The following TMEM272 variants were observed in gnomAD, a reference collection of about 807,000 sequenced individuals.
TMEM272 encodes transmembrane protein 272, also known as long intergenic non-protein coding RNA 282.
TMEM272 carries 8 observed loss-of-function variants against 3.7 expected under a neutral mutation model. That is an observed-to-expected ratio of 2.17 (90% CI 1.27 to 3.91). TMEM272 has a LOEUF of 3.91. TMEM272 is among the 30% of genes most tolerant of loss of function. The pLI is 0.00. For missense variants in TMEM272, 166 were observed against 91.5 expected, an observed-to-expected ratio of 1.81 and a Z score of -3.32; for synonymous variants, 63 against 39.8, an observed-to-expected ratio of 1.58 and a Z score of -2.20.
the TMEM272 span, among the ~76,000 whole-genome samples, chr13:51,864,095 C>T: frequency 1.3e-5 from 2 of 150,934 alleles, no homozygotes; most frequent in African/African-American, 4.9e-5. Flanking sequence ...TCCTTCCCTC[C>T]CTTCCTTCCT....
intron 2 of TMEM272, among the ~76,000 whole-genome samples, chr13:51,829,226 A>G (rs1413702227): frequency 6.6e-6 from 1 of 152,238 alleles, no homozygotes; most frequent in African/African-American, 2.4e-5. Context: ...ACATTATGCA[A>G]TATTAAGATG....
chr13:51,817,089 T>C lies in TMEM272; in HGVS notation c.226A>G (p.Thr76Ala), dbSNP rs774265400. 73 of 702,506 alleles carry C rather than the reference T, an allele frequency of 1.0e-4. No homozygotes were observed. Among genetic ancestry groups the C allele is most frequent in the Non-Finnish European group, 1.1e-4 (44 of 384,820 alleles). 43.5% of individuals were successfully genotyped at this position (702,506 alleles called of 1,614,324 possible). A position where few individuals can be genotyped will look rare whatever the true frequency, so the allele number is the denominator to read the frequency against. Residue 76 changes from threonine to alanine, a missense_variant, in exon 5 of 5, where the codon ACC becomes GCC. By Grantham distance (58) the Thr-to-Ala change is moderately conservative. Coordinates refer to ENST00000629372, the MANE Select transcript of TMEM272 (RefSeq NM_001351003.2). ...LKVSLLLYDS[T>A]RMRRLLSKAV... ...TTGGACAGCAGCCGCCTCATCCTGG[T>C]GGAGTCGTACAACAGGAGAGACACC...
chr13:51,867,451 C>T, the TMEM272 span, among the ~76,000 whole-genome samples: 25 of 152,222 alleles, frequency 1.6e-4, no homozygotes, highest in East Asian at 4.3e-3. Context: ...CCTTAAAGTA[C>T]ACTAGGATTT....
the TMEM272 span, among the ~76,000 whole-genome samples, chr13:51,882,736 A>G: frequency 1.2e-4 from 18 of 151,572 alleles, no homozygotes; most frequent in African/African-American, 3.9e-4. Flanking sequence ...TAAAAAATAA[A>G]TATAATAAAA....
chr13:51,899,965 G>A, the TMEM272 span, among the ~76,000 whole-genome samples: 1 of 152,070 alleles, frequency 6.6e-6, no homozygotes, highest in Non-Finnish European at 1.5e-5. Flanking sequence ...GAATGAAGTT[G>A]GACTCCTATT....
Position 51,815,117 on chromosome 13 carries a change from A to G in TMEM272, c.*1634T>C, listed in dbSNP as rs570290509. 3 of 153,030 alleles carry G rather than the reference A, an allele frequency of 2.0e-5. No homozygotes were observed. Among genetic ancestry groups the G allele is most frequent in the African/African-American group, 7.2e-5 (3 of 41,564 alleles). 9.5% of individuals were successfully genotyped at this position (153,030 alleles called of 1,614,324 possible). On this transcript the variant is annotated 3_prime_UTR_variant, in exon 5 of 5. Coordinates refer to ENST00000629372, the MANE Select transcript of TMEM272 (RefSeq NM_001351003.2). ...GTATCATAGCCCACAGACTCTCCCC[A>G]GTCCCCAACACAGAGAGGGCAACGT... is the stretch of plus-strand genomic sequence containing the variant.
At chr13:51,842,347 A>G (rs9596593) in intron 1 of TMEM272, among the ~76,000 whole-genome samples, 1,950 of 152,358 alleles carry the variant, frequency 0.013, 44 homozygotes, top group African/African-American at 0.045. Context: ...TTCAAGAAGT[A>G]TTATTTGAAA....
At chr13:51,907,598 A>G in the TMEM272 span, among the ~76,000 whole-genome samples, 1 of 152,054 alleles carries the variant, frequency 6.6e-6, no homozygotes, top group South Asian at 2.1e-4. Flanking sequence ...ACCTTGCCTC[A>G]CTCATTCCTT....
chr13:51,919,009 C>T, the TMEM272 span, among the ~76,000 whole-genome samples: 1 of 151,968 alleles, frequency 6.6e-6, no homozygotes, highest in Admixed American at 6.6e-5. Flanking sequence ...CCTGGCTCTG[C>T]TCCTTTCTGA....
chr13:51,852,658 T>C, the TMEM272 span, among the ~76,000 whole-genome samples: 6 of 152,122 alleles, frequency 3.9e-5, no homozygotes, highest in Admixed American at 3.9e-4. Flanking sequence ...GGCGGGCAGA[T>C]CATGAGGTCA....
the TMEM272 span, among the ~76,000 whole-genome samples, chr13:51,926,987 C>T: frequency 6.6e-6 from 1 of 151,480 alleles, no homozygotes; most frequent in African/African-American, 2.4e-5. Flanking sequence ...GAAAACAAAG[C>T]CCCCAGCCTA....
the TMEM272 span, chr13:51,862,297 C>T: frequency 6.6e-6 from 1 of 152,174 alleles, no homozygotes; most frequent in African/African-American, 2.4e-5. Context: ...TAATATTTTC[C>T]TTAAAAAGAA....
At chr13:51,843,569 C>T (rs1164853667) in intron 1 of TMEM272, among the ~76,000 whole-genome samples, 1 of 152,194 alleles carries the variant, frequency 6.6e-6, no homozygotes, top group Non-Finnish European at 1.5e-5. Context: ...TCTATACCTT[C>T]TATATCTTCT....
the TMEM272 span, among the ~76,000 whole-genome samples, chr13:51,916,897 T>C: frequency 6.6e-6 from 1 of 152,218 alleles, no homozygotes; most frequent in South Asian, 2.1e-4. Context: ...TTCTCCGGCA[T>C]CATTCTCACT....
chr13:51,918,803 CTTTTTTTTTTTTTTTTTT>C, the TMEM272 span, among the ~76,000 whole-genome samples: 2 of 81,044 alleles, frequency 2.5e-5, no homozygotes, highest in African/African-American at 9.8e-5. Context: ...TTTTGAAATT[CTTTTTTTTTTTTTTTTTT>C]TTTTTTTGTA....
chr13:51,874,104 C>G, the TMEM272 span, among the ~76,000 whole-genome samples: 1 of 152,178 alleles, frequency 6.6e-6, no homozygotes, highest in African/African-American at 2.4e-5. Context: ...TTTAGAAGAG[C>G]AGGAACAGAG....
At chr13:51,883,311 C>T in the TMEM272 span, among the ~76,000 whole-genome samples, 8 of 152,316 alleles carry the variant, frequency 5.3e-5, no homozygotes, top group East Asian at 1.2e-3. Context: ...CAGCTTTTTT[C>T]CCACTCACCA....
chr13:51,897,942 G>T, the TMEM272 span, among the ~76,000 whole-genome samples: 1 of 22,346 alleles, frequency 4.5e-5, no homozygotes, highest in Non-Finnish European at 9.9e-5. Context: ...AAAAAAAAAA[G>T]GGCTGGGCGC....
chr13:51,864,928 G>A, the TMEM272 span, among the ~76,000 whole-genome samples: 9 of 152,106 alleles, frequency 5.9e-5, no homozygotes, highest in East Asian at 1.9e-4. Context: ...TCCCAGGCTC[G>A]TAACAGAGGA....
Sources: gnomAD v4.1 joint callset for allele counts (sites outside exome capture counted in the v4.1 genomes callset) on GRCh38, gnomAD v4.1.1 for gene constraint, MANE v1.5 for transcripts, NCBI Gene and HGNC (gene_info 2026-07-23, HGNC 2026-07-21) for gene names.